Variants in PTPRT observed in about 807,000 individuals in gnomAD.
PTPRT encodes the protein receptor-type tyrosine-protein phosphatase T.
A neutral mutation model predicts 176.8 loss-of-function variants in PTPRT; 56 were observed. The observed-to-expected ratio is 0.32, with a 90% CI of 0.26 to 0.40. PTPRT has a LOEUF of 0.40. PTPRT is among the 10% of genes least tolerant of loss of function. The probability of loss-of-function intolerance (pLI) is 1.00; values close to 1 mark genes in which losing one functional copy is unlikely to be tolerated. For synonymous variants in PTPRT, 783 were observed against 739.0 expected, an observed-to-expected ratio of 1.06 and a Z score of -0.96; for missense variants, 1,540 against 1,908.2, an observed-to-expected ratio of 0.81 and a Z score of 3.60.
chr20:42,879,823 T>G (rs1321331709), intron 2 of PTPRT, among the ~76,000 whole-genome samples: 1 of 152,118 alleles, frequency 6.6e-6, no homozygotes, highest in African/African-American at 2.4e-5. Context: ...TCCTCCTCCT[T>G]CCAATCTGGA....
chr20:42,099,546 C>CGGGGGGG (rs59137378), intron 26 of PTPRT, among the ~76,000 whole-genome samples: 8 of 28,892 alleles, frequency 2.8e-4, no homozygotes, highest in African/African-American at 3.9e-4. Context: ...ATGGCCTGGG[C>CGGGGGGG]GGGGGGGGGG....
rs75701592 is a variant in PTPRT at position 42,242,964 on chromosome 20, G to A, written c.2312+5723C>T. Reference sequence around the variant, plus strand: ...GGGCACAGTTAGGAAGGTCAGTGAGGAAACTCATGCAATAGGGCTATAGAG... The same window carrying A: ...GGGCACAGTTAGGAAGGTCAGTGAGAAAACTCATGCAATAGGGCTATAGAG... On this transcript the variant is annotated intron_variant, in intron 14 of 30. Transcript: ENST00000373187. 1.0e-3 allele frequency among the ~76,000 whole-genome samples: 148 copies of A among 142,862 alleles called. 3 individuals are homozygous for A. The East Asian group carries it at 0.03, about 29-fold the overall frequency. 93.7% of individuals were successfully genotyped at this position (142,862 alleles called of 152,430 possible). A position where few individuals can be genotyped will look rare whatever the true frequency, so the allele number is the denominator to read the frequency against.
At chr20:42,199,143 C>A (rs1991347448) in intron 16 of PTPRT, 97 bp downstream of exon 16, 1 of 1,436,326 alleles carries the variant, frequency 7.0e-7, no homozygotes, top group Non-Finnish European at 9.5e-7. Context: ...ATACCCTATG[C>A]CTGGCAGCAC....
chr20:43,040,622 A>T (rs1473262966), intron 1 of PTPRT, among the ~76,000 whole-genome samples: 1 of 152,164 alleles, frequency 6.6e-6, no homozygotes, highest in African/African-American at 2.4e-5. Context: ...GTCCTGAAAG[A>T]TGGGAATACC....
At chr20:42,584,279 A>G (rs900450962) in intron 7 of PTPRT, among the ~76,000 whole-genome samples, 1 of 152,146 alleles carries the variant, frequency 6.6e-6, no homozygotes, top group Non-Finnish European at 1.5e-5. Context: ...ATAAATCTCT[A>G]CGTGATCTCC....
intron 12 of PTPRT, among the ~76,000 whole-genome samples, chr20:42,298,032 T>C (rs1180555708): frequency 6.6e-6 from 1 of 152,162 alleles, no homozygotes; most frequent in Non-Finnish European, 1.5e-5. Flanking sequence ...TCTGACAACA[T>C]TTTATTTGCT....
At chr20:42,143,798 A>G (rs1386452452) in intron 17 of PTPRT, among the ~76,000 whole-genome samples, 2 of 152,148 alleles carry the variant, frequency 1.3e-5, no homozygotes, top group Non-Finnish European at 2.9e-5. Context: ...CAATCAAGGG[A>G]ATGAAGTCAA....
At chr20:42,782,172 G>C (rs893927692) in intron 3 of PTPRT, among the ~76,000 whole-genome samples, 12 of 152,052 alleles carry the variant, frequency 7.9e-5, no homozygotes, top group Admixed American at 2.0e-4. Context: ...CTTTATTCTT[G>C]TTATTTTTCT....
At chr20:42,593,001 A>G (rs1457267773) in intron 7 of PTPRT, among the ~76,000 whole-genome samples, 1 of 152,222 alleles carries the variant, frequency 6.6e-6, no homozygotes, top group Middle Eastern at 3.2e-3. Flanking sequence ...TTGGAACATC[A>G]TGGGGTCGAT....
At chr20:42,210,640 A>G (rs1308067142) in intron 15 of PTPRT, among the ~76,000 whole-genome samples, 3 of 150,282 alleles carry the variant, frequency 2.0e-5, no homozygotes, top group Non-Finnish European at 3.0e-5. Flanking sequence ...TCAAGGAAAT[A>G]AAAGAGGATA....
intron 1 of PTPRT, among the ~76,000 whole-genome samples, chr20:43,169,995 T>G (rs1210892977): frequency 6.6e-6 from 1 of 152,114 alleles, no homozygotes; most frequent in Non-Finnish European, 1.5e-5. Context: ...AAGGCAAGTC[T>G]TCTATTTACA....
intron 1 of PTPRT, among the ~76,000 whole-genome samples, chr20:43,119,587 C>T (rs887667417): frequency 6.6e-6 from 1 of 152,084 alleles, no homozygotes; most frequent in Non-Finnish European, 1.5e-5. Context: ...GTGTTCAGAC[C>T]CAGTTCCCAA....
At chr20:42,805,781 T>C (rs976092020) in intron 2 of PTPRT, among the ~76,000 whole-genome samples, 1 of 152,226 alleles carries the variant, frequency 6.6e-6, no homozygotes, top group East Asian at 1.9e-4. Context: ...TGTGCATTTC[T>C]GATGCTGCAT....
At chr20:42,126,030 G>T (rs548608969) in intron 19 of PTPRT, among the ~76,000 whole-genome samples, 23 of 151,378 alleles carry the variant, frequency 1.5e-4, no homozygotes, top group South Asian at 4.2e-4. Context: ...GGGAGTGGGG[G>T]GGGGGAGGGG....
rs1010426544 is a variant in PTPRT, at chr20:42,319,214, C to A, written c.1866-3218G>T. On this transcript the variant is annotated intron_variant, in intron 11 of 30. Transcript: ENST00000373187. ...CAAGTGATTCATGAGGGTCAAACTG[C>A]AGCAAAAGTAGAAACCCAGACTTTT... Among the ~76,000 whole-genome samples the A allele has an allele frequency of 2.0e-5, 3 of 151,690 alleles. No homozygotes were observed. The South Asian group carries it at 6.2e-4, about 32-fold the overall frequency.
intron 8 of PTPRT, among the ~76,000 whole-genome samples, chr20:42,455,709 T>C (rs899939907): frequency 1.3e-5 from 2 of 152,176 alleles, no homozygotes; most frequent in African/African-American, 4.8e-5. Context: ...CTCAGTTGAT[T>C]TGCCTGATAA....
intron 9 of PTPRT, among the ~76,000 whole-genome samples, chr20:42,412,847 TA>T (rs2059030881): frequency 6.6e-6 from 1 of 152,024 alleles, no homozygotes; most frequent in African/African-American, 2.4e-5. Context: ...ACAGAAAAAC[TA>T]TAGGGACAGA....
At chr20:42,614,970 T>A (rs1055756371) in intron 7 of PTPRT, among the ~76,000 whole-genome samples, 2 of 148,376 alleles carry the variant, frequency 1.3e-5, no homozygotes, top group African/African-American at 2.5e-5. Flanking sequence ...AGTTTTAGGG[T>A]ACATGTGCAC....
intron 15 of PTPRT, among the ~76,000 whole-genome samples, chr20:42,205,730 G>C (rs2055440887): frequency 6.6e-6 from 1 of 151,986 alleles, no homozygotes; most frequent in African/African-American, 2.4e-5. Flanking sequence ...CCTCCTCTGG[G>C]CCATCCTCCA....
Sources: gnomAD v4.1 joint callset for allele counts (sites outside exome capture counted in the v4.1 genomes callset) on GRCh38, gnomAD v4.1.1 for gene constraint, MANE v1.5 for transcripts, NCBI Gene and HGNC (gene_info 2026-07-23, HGNC 2026-07-21) for gene names.